The following TBC1D31 variants were observed in gnomAD, a reference collection of about 807,000 sequenced individuals.
TBC1D31 encodes the protein TBC1 domain family member 31, also known as WD repeat domain 67.
Under a neutral mutation model 132.9 loss-of-function variants are expected in TBC1D31, and 99 were observed. The observed-to-expected ratio is 0.74, with a 90% confidence interval of 0.63 to 0.88. TBC1D31 has a LOEUF of 0.88. Ranked by LOEUF, TBC1D31 falls within the 40% of genes least tolerant of loss-of-function variation. The pLI is 0.00. For missense variants in TBC1D31, 1,134 were observed against 1,256.6 expected (o/e 0.90, Z 1.48); for synonymous variants, 385 against 419.4 (o/e 0.92, Z 1.00).
Position 123,126,127 on chromosome 8 carries a change from GT to G in TBC1D31, c.1646del (p.Leu549TrpfsTer13), listed in dbSNP as rs747260621. On this transcript the variant is annotated frameshift_variant, in exon 12 of 22. Transcript: ENST00000287380. LOFTEE classifies it high-confidence loss of function. ...CAATATTCTTAGCATGATAGAAAAT[GT>G]TTTGGCATTTCATGACAAGGAACTG... ...PINILSMIENVLAFHDKELLQ... is the reference protein window; with the variant it reads ...PINILSMIENXLAFHDKELLQ... The G allele has an allele frequency of 1.1e-5, 17 of 1,611,922 alleles. No individual in the cohort carries two copies.
chr8:123,088,344 A>T (rs556453453), intron 4 of TBC1D31, among the ~76,000 whole-genome samples: 1 of 152,230 alleles, frequency 6.6e-6, no homozygotes, highest in African/African-American at 2.4e-5. Flanking sequence ...GTACCCAGCT[A>T]CTCTGGAAGC....
intron 11 of TBC1D31, among the ~76,000 whole-genome samples, chr8:123,121,806 A>G (rs118187824): frequency 7.9e-4 from 121 of 152,358 alleles, no homozygotes; most frequent in Non-Finnish European, 1.5e-3. Context: ...TTACCTGCCA[A>G]TAGCACTACC....
chr8:123,104,420 A>T (rs115801103), intron 7 of TBC1D31, among the ~76,000 whole-genome samples: 1,966 of 152,324 alleles, frequency 0.013, 40 homozygotes, highest in African/African-American at 0.045. Context: ...GTCAAAAAAT[A>T]GTTTAAGGAT....
intron 4 of TBC1D31, among the ~76,000 whole-genome samples, chr8:123,085,423 C>T (rs1815629227): frequency 6.6e-6 from 1 of 151,050 alleles, no homozygotes; most frequent in Non-Finnish European, 1.5e-5. Context: ...GCTTTTTTCA[C>T]TCAGCATAAT....
In TBC1D31 at chr8:123,124,773, C is replaced by T. The variant is rs371673472; in HGVS notation, c.1571-1283C>T. On this transcript the variant is annotated intron_variant, in intron 11 of 21. Coordinates refer to ENST00000287380, the MANE Select transcript of TBC1D31 (RefSeq NM_145647.4). Reference sequence around the variant, plus strand: ...TGAAACCCTGTCTCTACTGAAAATACAAAAAAAAAAAAAATGAGCTGGGCA... The same window carrying T: ...TGAAACCCTGTCTCTACTGAAAATATAAAAAAAAAAAAAATGAGCTGGGCA... Among the ~76,000 whole-genome samples, 89 of 131,562 alleles carry T rather than the reference C, an allele frequency of 6.8e-4. No individual in the cohort carries two copies. In the East Asian group the frequency reaches 0.015, roughly 23 times the overall value. 86.3% of individuals were successfully genotyped at this position (131,562 alleles called of 152,430 possible).
At position 123,120,602 on chromosome 8, in the gene TBC1D31, G is replaced by A. The variant is rs946383712; in HGVS notation, c.1570+414G>A. 2.0e-5 allele frequency among the ~76,000 whole-genome samples: 3 copies of A among 152,174 alleles called. No individual in the cohort carries two copies. The South Asian group carries it at 6.2e-4, about 32-fold the overall frequency. ...CAGGAGAATCACTTGAACCCAGGAG[G>A]TGGAGGCTGCAGTGAGCTGAGATTG... On this transcript the variant is annotated intron_variant, in intron 11 of 21. Transcript: ENST00000287380.
Position 123,097,543 on chromosome 8 carries a change from C to A in TBC1D31, c.831+102C>A, listed in dbSNP as rs74490765. On this transcript the variant is annotated intron_variant, in intron 6 of 21. Transcript: ENST00000287380. ...TATTTAACTTACACCCTGGCTGTTA[C>A]AATAATTTGAAATTACAAATATGTT... The A allele has an allele frequency of 8.5e-6, 11 of 1,294,710 alleles. No individual in the cohort carries two copies. The Admixed American group carries it at 2.1e-4, about 25-fold the overall frequency. The allele number at this position is 1,294,710 out of a possible 1,614,324, so 80.2% of individuals were successfully genotyped here. A position where few individuals can be genotyped will look rare whatever the true frequency, so the allele number is the denominator to read the frequency against.
chr8:123,074,252 T>A (rs1814245898), intron 1 of TBC1D31, among the ~76,000 whole-genome samples: 1 of 151,930 alleles, frequency 6.6e-6, no homozygotes. Flanking sequence ...GATCTCCTGA[T>A]GTCGTGATCC....
At chr8:123,143,337 T>C (rs1821887211) in intron 19 of TBC1D31, among the ~76,000 whole-genome samples, 1 of 152,192 alleles carries the variant, frequency 6.6e-6, no homozygotes, top group African/African-American at 2.4e-5. Context: ...TTCCTATCAG[T>C]TAATAAGATA....
intron 8 of TBC1D31, among the ~76,000 whole-genome samples, chr8:123,106,601 C>T (rs906450301): frequency 1.3e-5 from 2 of 152,192 alleles, no homozygotes; most frequent in Non-Finnish European, 2.9e-5. Context: ...GATCTTGGAA[C>T]ATTTCCTCGT....
chr8:123,107,767 GGAA>G (rs1818073234), intron 8 of TBC1D31, among the ~76,000 whole-genome samples: 1 of 152,160 alleles, frequency 6.6e-6, no homozygotes. Flanking sequence ...CTGCTTCCAA[GGAA>G]ACCATAGCCA....
At chr8:123,081,384 T>C (rs1468331773) in intron 2 of TBC1D31, among the ~76,000 whole-genome samples, 1 of 77,608 alleles carries the variant, frequency 1.3e-5, no homozygotes, top group African/African-American at 6.7e-5. Context: ...ATCTTCTAGA[T>C]TGGGCTCCCA....
In TBC1D31 at chr8:123,100,985, C is replaced by G. The variant is rs781632538; in HGVS notation, c.1010C>G (p.Ala337Gly). Residue 337 changes from alanine (A) to glycine (G), a missense_variant, in exon 7 of 22, where the codon GCT becomes GGT. Coordinates refer to ENST00000287380, the MANE Select transcript of TBC1D31 (RefSeq NM_145647.4). ...NGSLNIYSVQ[A>G]LTQEINKPPP... The stretch of plus-strand genomic sequence containing the variant: ...AGTCTAAACATATATTCAGTTCAGG[C>G]TTTAACACAAGAAATAAATAAGGTA... 13 of 1,612,752 alleles carry G rather than the reference C, an allele frequency of 8.1e-6. No individual in the cohort carries two copies. The East Asian group carries it at 2.9e-4, about 36-fold the overall frequency.
intron 2 of TBC1D31, 72 bp from the exon 3 acceptor site, chr8:123,082,630 A>T: frequency 9.0e-7 from 1 of 1,109,726 alleles, no homozygotes; most frequent in Non-Finnish European, 1.3e-6. Context: ...CTTCGTCTCT[A>T]CGGACTCCTT....
rs1815496384 is a variant in TBC1D31 at position 123,084,357 on chromosome 8, A to C, written c.519+17A>C. On this transcript the variant is annotated intron_variant, in intron 4 of 21. Transcript: ENST00000287380. ...ATACAGAAGGTCAGTGAGGGGGTAC[A>C]TCTTGGTCTGTTGTGCTTCTCGGGC... 4 of 1,612,344 alleles carry C rather than the reference A, an allele frequency of 2.5e-6. No homozygotes were observed. The highest frequency in any genetic ancestry group is 1.7e-4 in the Middle Eastern group (1 of 6,052).
rs1227845876 is a variant in TBC1D31, at chr8:123,126,681, CT to C, written c.1881del (p.Phe627LeufsTer13). ...PLLSCNLKDD[F>X]EFFFHHRNNL... is the part of the protein sequence containing the mutation. ...TGCTCAGCTGTAATCTTAAAGATGA[CT>C]TTGAGGTAACGGTCCTTGTTCTTAA... is the stretch of plus-strand genomic sequence containing the variant. On this transcript the variant is annotated frameshift_variant, in exon 13 of 22. Transcript: ENST00000287380. LOFTEE classifies it high-confidence loss of function. 6.2e-7 allele frequency: 1 copy of C among 1,608,620 alleles called. No homozygotes were observed. Among genetic ancestry groups the C allele is most frequent in the African/African-American group, 1.3e-5 (1 of 74,666 alleles).
In TBC1D31 at chr8:123,072,737, G is replaced by A; in HGVS notation, c.-33G>A. 1 of 1,550,090 alleles carries A rather than the reference G, an allele frequency of 6.5e-7. No homozygotes were observed. Among genetic ancestry groups the A allele is most frequent in the Non-Finnish European group, 8.7e-7 (1 of 1,146,610 alleles). ...GGGAAGGCGCTGGGACGGTTACCCA[G>A]CGGGCCGCCGGCGGTCGTGGGCAAG... On this transcript the variant is annotated 5_prime_UTR_variant, in exon 1 of 22. Transcript: ENST00000287380.
intron 2 of TBC1D31, among the ~76,000 whole-genome samples, chr8:123,079,686 G>T (rs1814936109): frequency 6.6e-6 from 1 of 152,092 alleles, no homozygotes; most frequent in African/African-American, 2.4e-5. Context: ...ACCAAGTGTT[G>T]CAAACCTTTA....
chr8:123,157,463 CTG>C, the TBC1D31 span, among the ~76,000 whole-genome samples: 1 of 152,184 alleles, frequency 6.6e-6, no homozygotes, highest in African/African-American at 2.4e-5. Flanking sequence ...TTAACAAACA[CTG>C]TGGCTGGCTT....
Sources: gnomAD v4.1 joint callset for allele counts (sites outside exome capture counted in the v4.1 genomes callset) on GRCh38, gnomAD v4.1.1 for gene constraint, MANE v1.5 for transcripts, NCBI Gene and HGNC (gene_info 2026-07-23, HGNC 2026-07-21) for gene names.